Variants in CCDC81 observed in about 807,000 individuals in gnomAD.
CCDC81 encodes coiled-coil domain-containing protein 81.
CCDC81 carries 79 observed loss-of-function variants against 83.7 expected under a neutral mutation model. The ratio of observed to expected loss-of-function variants is 0.94; its 90% CI spans 0.79 to 1.14. The LOEUF (loss-of-function observed/expected upper bound fraction) is 1.14, where lower values mean the gene tolerates loss of function less well. Among genes scored for constraint, CCDC81 ranks in the 50% most tolerant of loss-of-function variants. CCDC81 has a pLI of 0.00. For missense variants in CCDC81, 791 were observed against 778.1 expected, an observed-to-expected ratio of 1.02 and a Z score of -0.20; for synonymous variants, 252 against 278.1, an observed-to-expected ratio of 0.91 and a Z score of 0.93.
intron 1 of CCDC81, among the ~76,000 whole-genome samples, chr11:86,377,662 T>C (rs1948115982): frequency 6.6e-6 from 1 of 152,220 alleles, no homozygotes; most frequent in African/African-American, 2.4e-5. Flanking sequence ...TTAAGAGTTA[T>C]TTGTATATTT....
intron 13 of CCDC81, among the ~76,000 whole-genome samples, chr11:86,416,154 A>G (rs1440046943): frequency 6.6e-6 from 1 of 151,850 alleles, no homozygotes; most frequent in African/African-American, 2.4e-5. Context: ...TATTTTATAA[A>G]CTCTTTTCTT....
chr11:86,376,508 G>C (rs1056687941), intron 1 of CCDC81, among the ~76,000 whole-genome samples: 1 of 152,108 alleles, frequency 6.6e-6, no homozygotes, highest in Admixed American at 6.5e-5. Flanking sequence ...AAGCCCGGGG[G>C]ACCAGGGGAA....
chr11:86,400,051 A>C (rs1174910445), intron 6 of CCDC81, among the ~76,000 whole-genome samples: 3 of 151,672 alleles, frequency 2.0e-5, no homozygotes, highest in Non-Finnish European at 4.4e-5. Context: ...GAATTGCTAG[A>C]ACCTGGGAGG....
At chr11:86,380,802 A>G (rs80267016) in intron 1 of CCDC81, among the ~76,000 whole-genome samples, 1 of 152,032 alleles carries the variant, frequency 6.6e-6, no homozygotes, top group Non-Finnish European at 1.5e-5. Flanking sequence ...TAGGATTTCA[A>G]TCTCTCTGCT....
chr11:86,388,958 C>T (rs1411173297), intron 3 of CCDC81, among the ~76,000 whole-genome samples: 2 of 152,014 alleles, frequency 1.3e-5, no homozygotes, highest in African/African-American at 4.8e-5. Context: ...CAGAATTAGA[C>T]ATATATGACT....
intron 7 of CCDC81, among the ~76,000 whole-genome samples, chr11:86,402,049 G>A (rs1245290439): frequency 1.3e-5 from 2 of 151,096 alleles, no homozygotes; most frequent in African/African-American, 2.4e-5. Flanking sequence ...GCAGGAGAAT[G>A]GCGTGAACCC....
In CCDC81 at chr11:86,412,533, C is replaced by T. The variant is rs1448444904; in HGVS notation, c.1365C>T (p.Arg455=). ...GACAATACAGAGAGTTGATGGACCG[C>T]CTGGAACAAGTGCAACTCACAGAGG... ...KQRQYRELMD[R]LEQVQLTEEL... Residue 455 remains arginine (R), a synonymous_variant, in exon 11 of 15, where the codon CGC becomes CGT. Coordinates refer to ENST00000445632, the MANE Select transcript of CCDC81 (RefSeq NM_001156474.2). 2.5e-6 allele frequency: 4 copies of T among 1,611,118 alleles called. No individual in the cohort carries two copies. The Admixed American group carries it at 6.8e-5, about 27-fold the overall frequency.
chr11:86,385,159 G>C (rs550071563), intron 1 of CCDC81, among the ~76,000 whole-genome samples: 1 of 152,164 alleles, frequency 6.6e-6, no homozygotes, highest in Non-Finnish European at 1.5e-5. Flanking sequence ...AGGCCGAGGC[G>C]GGTGGATCAC....
chr11:86,384,740 C>G (rs1316937368), intron 1 of CCDC81, among the ~76,000 whole-genome samples: 2 of 152,120 alleles, frequency 1.3e-5, no homozygotes, highest in Non-Finnish European at 2.9e-5. Context: ...TGTCACTGTT[C>G]TTGATTTTTT....
intron 7 of CCDC81, among the ~76,000 whole-genome samples, chr11:86,406,040 G>C (rs1026678807): frequency 6.6e-6 from 1 of 152,174 alleles, no homozygotes; most frequent in Admixed American, 6.5e-5. Flanking sequence ...TGGTATTACA[G>C]GTGTGGGCCG....
At chr11:86,379,255 C>T (rs1263077434) in intron 1 of CCDC81, among the ~76,000 whole-genome samples, 1 of 152,054 alleles carries the variant, frequency 6.6e-6, no homozygotes, top group Non-Finnish European at 1.5e-5. Context: ...CGCCACCATG[C>T]CTGGCTAATT....
chr11:86,392,423 C>A, intron 3 of CCDC81, 118 bp from the exon 4 acceptor site: 2 of 1,205,624 alleles, frequency 1.7e-6, no homozygotes, highest in Non-Finnish European at 2.3e-6. Flanking sequence ...AAAGCTTCAT[C>A]CAGAAGATTC....
At chr11:86,392,883 A>C in intron 4 of CCDC81, 86 bp downstream of exon 4, 1 of 1,411,466 alleles carries the variant, frequency 7.1e-7, no homozygotes, top group Non-Finnish European at 9.4e-7. Context: ...AGAAAAACGA[A>C]GGTTGACATA....
At chr11:86,376,587 A>G (rs1948101899) in intron 1 of CCDC81, among the ~76,000 whole-genome samples, 1 of 152,174 alleles carries the variant, frequency 6.6e-6, no homozygotes. Context: ...CATGGGGGAA[A>G]CTGCTCCCAG....
intron 7 of CCDC81, among the ~76,000 whole-genome samples, chr11:86,401,051 C>T (rs960979940): frequency 2.3e-4 from 35 of 152,104 alleles, no homozygotes; most frequent in African/African-American, 8.5e-4. Flanking sequence ...AACAAAATAG[C>T]ACAGAGTTGG....
chr11:86,384,255 A>G (rs1948210984), intron 1 of CCDC81, among the ~76,000 whole-genome samples: 1 of 152,188 alleles, frequency 6.6e-6, no homozygotes, highest in Non-Finnish European at 1.5e-5. Flanking sequence ...TTAATTCAGT[A>G]TACAGTTAGG....
intron 7 of CCDC81, among the ~76,000 whole-genome samples, chr11:86,401,879 G>A (rs1374280931): frequency 6.6e-6 from 1 of 152,170 alleles, no homozygotes; most frequent in Non-Finnish European, 1.5e-5. Context: ...GCTCACGCCT[G>A]TAATCCCAGC....
intron 1 of CCDC81, among the ~76,000 whole-genome samples, chr11:86,382,072 G>T (rs1948184449): frequency 6.6e-6 from 1 of 152,150 alleles, no homozygotes; most frequent in African/African-American, 2.4e-5. Flanking sequence ...AGAGAGAAAG[G>T]AAGGGGTCAA....
At chr11:86,395,505 C>T in intron 5 of CCDC81, 92 bp downstream of exon 5, 1 of 957,660 alleles carries the variant, frequency 1.0e-6, no homozygotes, top group South Asian at 1.4e-5. Context: ...TGTTTTGTAG[C>T]TCATGTTCCT....
Sources: gnomAD v4.1 joint callset for allele counts (sites outside exome capture counted in the v4.1 genomes callset) on GRCh38, gnomAD v4.1.1 for gene constraint, MANE v1.5 for transcripts, NCBI Gene and HGNC (gene_info 2026-07-23, HGNC 2026-07-21) for gene names.